FA2H: variants seen among roughly 807,000 people sequenced by gnomAD.
The protein encoded by FA2H is fatty acid alpha-hydroxylase.
In FA2H, 22 loss-of-function variants were observed where a neutral mutation model predicts 44.9. The observed-to-expected ratio is 0.49, with a 90% CI of 0.35 to 0.70. The LOEUF (loss-of-function observed/expected upper bound fraction) is 0.70. Ranked by LOEUF, FA2H falls within the 30% of genes least tolerant of loss-of-function variation. The pLI is 0.01. For missense variants in FA2H, 501 were observed against 504.9 expected, an observed-to-expected ratio of 0.99 and a Z score of 0.07; for synonymous variants, 243 against 213.2, an observed-to-expected ratio of 1.14 and a Z score of -1.22.
At chr16:74,718,007 G>A (rs1453511069) in intron 5 of FA2H, among the ~76,000 whole-genome samples, 1 of 152,158 alleles carries the variant, frequency 6.6e-6, no homozygotes, top group African/African-American at 2.4e-5. Context: ...TGAGAGACAG[G>A]TTGGCCCAGG....
intron 1 of FA2H, among the ~76,000 whole-genome samples, chr16:74,741,804 A>ATGTGTGTG (rs1289445691): frequency 1.7e-5 from 1 of 57,844 alleles, no homozygotes; most frequent in Non-Finnish European, 3.2e-5. Context: ...ATATATATAT[A>ATGTGTGTG]TATATGTGTG....
At chr16:74,769,145 T>G (rs1278415966) in intron 1 of FA2H, among the ~76,000 whole-genome samples, 1 of 152,194 alleles carries the variant, frequency 6.6e-6, no homozygotes, top group Non-Finnish European at 1.5e-5. Flanking sequence ...CAGGCTGCAG[T>G]GCAGTGGCAT....
chr16:74,751,366 G>T (rs921256171), intron 1 of FA2H, among the ~76,000 whole-genome samples: 15 of 152,148 alleles, frequency 9.9e-5, no homozygotes, highest in Admixed American at 3.9e-4. Flanking sequence ...AAAGTGCTGG[G>T]TTTATAACTT....
intron 4 of FA2H, 85 bp downstream of exon 4, chr16:74,726,140 T>C (rs1961948309): frequency 1.1e-6 from 1 of 889,892 alleles, no homozygotes. Context: ...GGTTCTGTGC[T>C]CTCAGAAACT....
intron 1 of FA2H, among the ~76,000 whole-genome samples, chr16:74,743,580 T>C (rs1962354915): frequency 6.6e-6 from 1 of 152,078 alleles, no homozygotes; most frequent in Non-Finnish European, 1.5e-5. Flanking sequence ...CCAGCACCAG[T>C]CAAGGGCTGG....
chr16:74,763,534 A>C (rs1301827257), intron 1 of FA2H, among the ~76,000 whole-genome samples: 2 of 151,960 alleles, frequency 1.3e-5, no homozygotes, highest in African/African-American at 4.9e-5. Flanking sequence ...CCGGGATTAC[A>C]GGCGTGCGCC....
chr16:74,742,136 C>T (rs1162843115), intron 1 of FA2H, among the ~76,000 whole-genome samples: 1 of 152,060 alleles, frequency 6.6e-6, no homozygotes, highest in African/African-American at 2.4e-5. Context: ...ATGCTCCACC[C>T]ACATTTCCCC....
intron 2 of FA2H, among the ~76,000 whole-genome samples, chr16:74,728,607 A>C (rs1277048305): frequency 6.6e-6 from 1 of 152,154 alleles, no homozygotes; most frequent in Non-Finnish European, 1.5e-5. Context: ...AACACCCTGT[A>C]CCACATCCAG....
intron 6 of FA2H, 115 bp downstream of exon 6, chr16:74,716,232 C>A: frequency 1.6e-6 from 2 of 1,220,144 alleles, no homozygotes; most frequent in Admixed American, 4.0e-5. Flanking sequence ...AGGGAACCCT[C>A]TGTATATGCC....
intron 1 of FA2H, among the ~76,000 whole-genome samples, chr16:74,757,336 AAC>A (rs1962629198): frequency 6.6e-6 from 1 of 152,264 alleles, no homozygotes; most frequent in Non-Finnish European, 1.5e-5. Flanking sequence ...AAAGACTGCT[AAC>A]ACACAGAATT....
intron 1 of FA2H, among the ~76,000 whole-genome samples, chr16:74,740,920 A>G (rs1015480290): frequency 7.9e-5 from 12 of 152,110 alleles, no homozygotes; most frequent in South Asian, 2.1e-4. Context: ...CCCACAAGAA[A>G]GAAAGGCAGC....
chr16:74,719,125 C>G lies in FA2H; in HGVS notation c.649G>C (p.Gly217Arg), dbSNP rs775750642. 6.2e-7 allele frequency: 1 copy of G among 1,613,686 alleles called. No individual in the cohort carries two copies. Among genetic ancestry groups the G allele is most frequent in the Non-Finnish European group, 8.5e-7 (1 of 1,180,020 alleles). The change falls in exon 5 of 7, where the codon GGG becomes CGG. Residue 217 changes from glycine (G) to arginine (R), a missense_variant. By Grantham distance (125) the Gly-to-Arg change is moderately radical. Transcript: ENST00000219368. ...TVAVPKSMFP[G>R]LFMLGTFLWS... is the part of the protein sequence containing the mutation. ...AGGAATGTCCCCAGCATGAAGAGCC[C>G]GGGGAACATGGACTTGGGCACTGCC...
chr16:74,728,614 C>T (rs2144618992), intron 2 of FA2H, among the ~76,000 whole-genome samples: 1 of 152,226 alleles, frequency 6.6e-6, no homozygotes, highest in East Asian at 1.9e-4. Flanking sequence ...TGTACCACAT[C>T]CAGGAGTTGC....
In FA2H at chr16:74,714,287, C is replaced by T. The variant is rs769141525; in HGVS notation, c.1040-18G>A. 58 of 1,510,474 alleles carry T rather than the reference C, an allele frequency of 3.8e-5. No homozygotes were observed. Among genetic ancestry groups the T allele is most frequent in the Admixed American group, 9.8e-5 (5 of 51,174 alleles). 93.6% of individuals were successfully genotyped at this position (1,510,474 alleles called of 1,614,324 possible). A position where few individuals can be genotyped will look rare whatever the true frequency, so the allele number is the denominator to read the frequency against. ...ACCAAATCCTAGAGAGGGAGACAAA[C>T]GGGGAGAAGATGAGGCATTGAAGGA... On this transcript the variant is annotated intron_variant, in intron 6 of 6. Coordinates refer to ENST00000219368, the MANE Select transcript of FA2H (RefSeq NM_024306.5).
chr16:74,740,629 T>TAATAAA (rs1281625787), intron 1 of FA2H, among the ~76,000 whole-genome samples: 1 of 82,348 alleles, frequency 1.2e-5, no homozygotes, highest in Non-Finnish European at 2.6e-5. Flanking sequence ...AAAATAATAA[T>TAATAAA]AATAATAATA....
intron 1 of FA2H, among the ~76,000 whole-genome samples, chr16:74,766,161 T>G (rs1343716106): frequency 1.3e-5 from 2 of 152,058 alleles, no homozygotes; most frequent in South Asian, 4.2e-4. Flanking sequence ...TAGCTGGGCA[T>G]AGTGGTGGGC....
intron 1 of FA2H, among the ~76,000 whole-genome samples, chr16:74,744,410 T>G (rs1962375834): frequency 6.6e-6 from 1 of 151,976 alleles, no homozygotes; most frequent in African/African-American, 2.4e-5. Context: ...ATATGTGTGC[T>G]TTCTTTTTTC....
intron 4 of FA2H, among the ~76,000 whole-genome samples, chr16:74,720,725 A>G (rs935563113): frequency 3.3e-5 from 5 of 152,150 alleles, no homozygotes; most frequent in African/African-American, 9.7e-5. Flanking sequence ...ACCCATTAGC[A>G]GCCACTCCCC....
intron 2 of FA2H, among the ~76,000 whole-genome samples, chr16:74,737,415 T>C (rs1962203424): frequency 6.6e-6 from 1 of 152,126 alleles, no homozygotes; most frequent in Non-Finnish European, 1.5e-5. Flanking sequence ...ACTGTTCTGG[T>C]AAAATTCCAC....
Sources: allele counts gnomAD v4.1 joint callset (sites outside exome capture counted in the v4.1 genomes callset), GRCh38; gene constraint gnomAD v4.1.1; transcripts MANE v1.5; gene names NCBI Gene and HGNC (gene_info 2026-07-23, HGNC 2026-07-21).